Variants in EIF4ENIF1 observed in about 807,000 individuals in gnomAD.
EIF4ENIF1 encodes eukaryotic translation initiation factor 4E nuclear import factor 1, also known as eukaryotic translation initiation factor 4E transporter.
A neutral mutation model predicts 110.5 loss-of-function variants in EIF4ENIF1; 23 were observed. That is an observed-to-expected ratio of 0.21 (90% CI 0.15 to 0.29). The LOEUF (loss-of-function observed/expected upper bound fraction) is 0.29, where lower values mean the gene tolerates loss of function less well. Ranked by LOEUF, EIF4ENIF1 falls within the 10% of genes least tolerant of loss-of-function variation. The probability of loss-of-function intolerance (pLI) is 1.00; values close to 1 mark genes in which losing one functional copy is unlikely to be tolerated. For missense variants in EIF4ENIF1, 1,031 were observed against 1,221.1 expected (o/e 0.84, Z 2.32); for synonymous variants, 440 against 437.0 (o/e 1.01, Z -0.09).
At chr22:31,449,222 C>A in intron 12 of EIF4ENIF1, 126 bp downstream of exon 12, 1 of 919,590 alleles carries the variant, frequency 1.1e-6, no homozygotes, top group South Asian at 1.7e-5. Flanking sequence ...GTTGGCCAGG[C>A]TGGTCTCAAA....
At chr22:31,446,229 G>A (rs1301351358) in intron 14 of EIF4ENIF1, among the ~76,000 whole-genome samples, 1 of 141,588 alleles carries the variant, frequency 7.1e-6, no homozygotes, top group Admixed American at 7.5e-5. Context: ...AGGTTGCAGT[G>A]AGCCAAGATT....
chr22:31,456,262 C>T (rs1210076148), intron 7 of EIF4ENIF1, among the ~76,000 whole-genome samples: 21 of 140,028 alleles, frequency 1.5e-4, no homozygotes, highest in African/African-American at 4.6e-4. Context: ...CTCGCTCTGT[C>T]ACCCAGGCTG....
chr22:31,474,813 C>T (rs942287667), intron 2 of EIF4ENIF1, among the ~76,000 whole-genome samples: 9 of 152,084 alleles, frequency 5.9e-5, no homozygotes, highest in South Asian at 2.1e-4. Context: ...AAAGCAATTC[C>T]GAAACTTTCA....
chr22:31,447,503 A>G lies in EIF4ENIF1; in HGVS notation c.1911T>C (p.Ala637=). The change falls in exon 14 of 19, where the codon GCT becomes GCC. Residue 637 remains alanine, a synonymous_variant. Transcript: ENST00000330125. ...LEGLALPHDL[A]VQAANFYQPG... ...GCTGGTAGAAGTTTGCTGCCTGTAC[A>G]GCAAGGTCATGTGGCAAGGCCAGCC... The G allele has an allele frequency of 2.5e-6, 4 of 1,613,092 alleles. 1 individual carries two copies. In the South Asian group the frequency reaches 3.3e-5, roughly 13 times the overall value.
intron 15 of EIF4ENIF1, 78 bp downstream of exon 15, chr22:31,444,528 G>A: frequency 7.3e-7 from 1 of 1,365,908 alleles, no homozygotes; most frequent in South Asian, 1.2e-5. Context: ...GACATTTAGG[G>A]CACACAGTGG....
At chr22:31,444,919 G>A (rs931958119) in intron 14 of EIF4ENIF1, among the ~76,000 whole-genome samples, 6 of 152,150 alleles carry the variant, frequency 3.9e-5, no homozygotes, top group South Asian at 4.1e-4. Context: ...TCAGTCTAGC[G>A]GGGGAGACAA....
At position 31,443,037 on chromosome 22, in the gene EIF4ENIF1, T is replaced by G. The variant is rs1315477759; in HGVS notation, c.2131A>C (p.Lys711Gln). ...VIRKMYESKE[K>Q]SKEEPASGKA... Reference sequence around the variant, plus strand: ...CCAGATGCTGGCTCCTCCTTGCTTTTCTCTTTGCTCTCGTACATCTTACGA... The same window carrying G: ...CCAGATGCTGGCTCCTCCTTGCTTTGCTCTTTGCTCTCGTACATCTTACGA... Residue 711 changes from lysine (K) to glutamine (Q), a missense_variant, in exon 16 of 19, where the codon AAA becomes CAA. Transcript: ENST00000330125. The G allele has an allele frequency of 6.2e-7, 1 of 1,614,212 alleles. No individual in the cohort carries two copies. Among genetic ancestry groups the G allele is most frequent in the Admixed American group, 1.7e-5 (1 of 60,026 alleles).
intron 4 of EIF4ENIF1, among the ~76,000 whole-genome samples, chr22:31,465,535 G>T (rs534760526): frequency 6.6e-6 from 1 of 152,300 alleles, no homozygotes; most frequent in East Asian, 1.9e-4. Flanking sequence ...TGCAGATGAG[G>T]ATGTTGGAGC....
intron 2 of EIF4ENIF1, among the ~76,000 whole-genome samples, chr22:31,487,493 C>T (rs919979967): frequency 6.6e-6 from 1 of 152,098 alleles, no homozygotes; most frequent in Non-Finnish European, 1.5e-5. Context: ...GGACAATAAG[C>T]CATGTCAGAG....
chr22:31,460,841 G>A (rs1486758381), intron 6 of EIF4ENIF1, among the ~76,000 whole-genome samples: 1 of 152,108 alleles, frequency 6.6e-6, no homozygotes, highest in African/African-American at 2.4e-5. Flanking sequence ...AGCTACTCGG[G>A]AGGCTGAGGC....
At chr22:31,486,113 T>C (rs1306985997) in intron 2 of EIF4ENIF1, among the ~76,000 whole-genome samples, 3 of 151,362 alleles carry the variant, frequency 2.0e-5, no homozygotes, top group Admixed American at 2.0e-4. Flanking sequence ...CTACTAAAAA[T>C]ACAAAAATGA....
intron 15 of EIF4ENIF1, among the ~76,000 whole-genome samples, chr22:31,443,838 A>G (rs1176291740): frequency 7.7e-6 from 1 of 129,682 alleles, no homozygotes; most frequent in African/African-American, 2.9e-5. Context: ...ACGGGGACTC[A>G]CTAGGGAGGG....
At chr22:31,491,983 G>C (rs933827950), upstream of EIF4ENIF1, among the ~76,000 whole-genome samples, 6 of 152,304 alleles carry the variant, frequency 3.9e-5, no homozygotes, top group Admixed American at 2.0e-4. Context: ...GGGACGGCTG[G>C]TTTCTGATCC....
At chr22:31,440,922 T>C (rs770117546) in intron 17 of EIF4ENIF1, 54 bp from the exon 18 acceptor site, 69 of 1,601,370 alleles carry the variant, frequency 4.3e-5, no homozygotes, top group Non-Finnish European at 5.8e-5. Context: ...CCTGGAAGTT[T>C]TCCAGCTTCA....
rs187630788 is a variant in EIF4ENIF1, at chr22:31,459,687, G to T, written c.788-1037C>A. 1.7e-3 allele frequency among the ~76,000 whole-genome samples: 254 copies of T among 152,276 alleles called. 6 individuals carry two copies. The highest frequency in any genetic ancestry group is 0.016 in the Admixed American group (251 of 15,294). ...ACTCTACAATGTTCAGTTGTTTTTA[G>T]GATGGGGAGACAAAGTGAAACTGCC... On this transcript the variant is annotated intron_variant, in intron 6 of 18. Coordinates refer to ENST00000330125, the MANE Select transcript of EIF4ENIF1 (RefSeq NM_019843.4).
chr22:31,468,591 C>T (rs936189349), intron 3 of EIF4ENIF1, among the ~76,000 whole-genome samples: 1 of 152,168 alleles, frequency 6.6e-6, no homozygotes, highest in Non-Finnish European at 1.5e-5. Context: ...GATGGGGTTT[C>T]ACCAGTTGGC....
chr22:31,455,096 C>A (rs1355110637), intron 9 of EIF4ENIF1, 40 bp downstream of exon 9: 3 of 1,538,592 alleles, frequency 1.9e-6, no homozygotes, highest in Admixed American at 3.8e-5. Flanking sequence ...AACATCTAGA[C>A]CTTTTCAGAT....
At chr22:31,450,205 G>A (rs896736640) in intron 11 of EIF4ENIF1, 84 bp downstream of exon 11, 3 of 1,050,152 alleles carry the variant, frequency 2.9e-6, no homozygotes, top group South Asian at 1.3e-5. Context: ...ATTTTCTAAG[G>A]CCCAAAGTTG....
At chr22:31,441,728 C>T in intron 17 of EIF4ENIF1, 46 bp downstream of exon 17, 6 of 1,503,980 alleles carry the variant, frequency 4.0e-6, no homozygotes, top group Non-Finnish European at 5.4e-6. Flanking sequence ...ACAATTGTCC[C>T]CTAGGCCCAC....
Sources: allele counts gnomAD v4.1 joint callset (sites outside exome capture counted in the v4.1 genomes callset), GRCh38; gene constraint gnomAD v4.1.1; transcripts MANE v1.5; gene names NCBI Gene and HGNC (gene_info 2026-07-23, HGNC 2026-07-21).